BABAM1: variants seen among roughly 807,000 people sequenced by gnomAD.
The protein encoded by BABAM1 is BRISC and BRCA1 A complex member 1.
Under a neutral mutation model 34.4 loss-of-function variants are expected in BABAM1, and 14 were observed. The ratio of observed to expected loss-of-function variants is 0.41; its 90% CI spans 0.27 to 0.64. The LOEUF is 0.64. Among genes scored for constraint, BABAM1 ranks in the 30% least tolerant of loss-of-function variants. The pLI is 0.34. For synonymous variants in BABAM1, 169 were observed against 165.8 expected (o/e 1.02, Z -0.15); for missense variants, 393 against 434.0 (o/e 0.91, Z 0.84).
chr19:17,270,892 C>T (rs2073833055), intron 2 of BABAM1, among the ~76,000 whole-genome samples: 1 of 151,360 alleles, frequency 6.6e-6, no homozygotes. Flanking sequence ...AGGTTTCACC[C>T]TGTTAGCCAG....
chr19:17,269,210 C>A (rs370774211), intron 2 of BABAM1, 119 bp downstream of exon 2: 14 of 1,248,872 alleles, frequency 1.1e-5, no homozygotes, highest in Non-Finnish European at 3.2e-6. Context: ...CACAAGTCAC[C>A]GTGGACTTGG....
In BABAM1 at chr19:17,271,702, G is replaced by A. The variant is rs745338736; in HGVS notation, c.344+47G>A. 8 of 1,588,056 alleles carry A rather than the reference G, an allele frequency of 5.0e-6. No individual in the cohort carries two copies. In the Admixed American group the frequency reaches 1.2e-4, roughly 23 times the overall value. On this transcript the variant is annotated intron_variant, in intron 3 of 8. Coordinates refer to ENST00000598188, the MANE Select transcript of BABAM1 (RefSeq NM_014173.4). ...TTGAACATGCAGCCATGGCAGGGAG[G>A]GTCCAGCCCAAAAGATACGGGGCTC...
At chr19:17,274,845 A>T (rs896002896) in intron 5 of BABAM1, among the ~76,000 whole-genome samples, 4 of 125,064 alleles carry the variant, frequency 3.2e-5, no homozygotes, top group African/African-American at 1.3e-4. Context: ...AGTTTTTTCC[A>T]GGAGGACAAG....
In BABAM1 at chr19:17,268,943, G is replaced by T; in HGVS notation, c.137G>T (p.Gly46Val). 6.4e-7 allele frequency: 1 copy of T among 1,574,706 alleles called. No individual in the cohort carries two copies. ...GCAGTAGGGGCACAGGCCAGCGTGG[G>T]CAGCCGCAGCGAGGGTGAGGGTGAG... ...DRAVGAQASV[G>V]SRSEGEGEAA... Residue 46 changes from glycine to valine, a missense_variant, in exon 2 of 9, where the codon GGC becomes GTC. By Grantham distance (109) the Gly-to-Val change is moderately radical. Coordinates refer to ENST00000598188, the MANE Select transcript of BABAM1 (RefSeq NM_014173.4).
intron 8 of BABAM1, among the ~76,000 whole-genome samples, chr19:17,278,289 A>AT (rs2073934662): frequency 6.6e-6 from 1 of 151,724 alleles, no homozygotes; most frequent in Non-Finnish European, 1.5e-5. Flanking sequence ...TCTGTATCTG[A>AT]CTGTGTGCCT....
intron 8 of BABAM1, 57 bp from the exon 9 acceptor site, chr19:17,278,788 C>G: frequency 6.6e-7 from 1 of 1,508,884 alleles, no homozygotes; most frequent in Non-Finnish European, 9.1e-7. Context: ...ATATGAAGGG[C>G]CTGTTGGGGT....
At chr19:17,271,722 G>A (rs2073843380) in intron 3 of BABAM1, 67 bp downstream of exon 3, 1 of 1,534,312 alleles carries the variant, frequency 6.5e-7, no homozygotes, top group African/African-American at 1.4e-5. Context: ...AAAAGATACG[G>A]GGCTCTCACT....
At chr19:17,274,571 TA>T (rs11291512) in intron 5 of BABAM1, 70,779 of 166,284 alleles carry the variant, frequency 0.43, 13,295 homozygotes, top group Non-Finnish European at 0.45. Flanking sequence ...CCGTCTTTTT[TA>T]AAAAAAAAAA....
Position 17,269,033 on chromosome 19 carries a change from C to T in BABAM1, c.227C>T (p.Pro76Leu), listed in dbSNP as rs770504934. 17 of 1,597,370 alleles carry T rather than the reference C, an allele frequency of 1.1e-5. No individual in the cohort carries two copies. The highest frequency in any genetic ancestry group is 2.0e-4 in the Middle Eastern group (1 of 5,014). Residue 76 changes from proline to leucine, a missense_variant, in exon 2 of 9, where the codon CCC (proline) becomes CTC (leucine). Transcript: ENST00000598188. ...SGAGPKSWQV[P>L]PPAPEVQIRT... ...GCCGGCCCTAAGTCCTGGCAGGTGC[C>T]CCCGCCAGCCCCTGAGGTCCAAATT... is the stretch of plus-strand genomic sequence containing the variant.
At chr19:17,273,617 G>T (rs1336715715) in intron 3 of BABAM1, among the ~76,000 whole-genome samples, 1 of 140,662 alleles carries the variant, frequency 7.1e-6, no homozygotes, top group Non-Finnish European at 1.5e-5. Flanking sequence ...AGGCTGGACT[G>T]CAGTGGCGCG....
chr19:17,267,551 C>T (rs1358512018), intron 1 of BABAM1, 24 bp downstream of exon 1: 1 of 152,206 alleles, frequency 6.6e-6, no homozygotes, highest in African/African-American at 2.4e-5. Context: ...GCGTGTGGGG[C>T]CCGTTCCTAG....
chr19:17,278,387 C>A (rs2073936478), intron 8 of BABAM1, among the ~76,000 whole-genome samples: 1 of 150,838 alleles, frequency 6.6e-6, no homozygotes, highest in Non-Finnish European at 1.5e-5. Flanking sequence ...CGGCTCACTG[C>A]CAGCTCCGCC....
chr19:17,276,820 C>T lies in BABAM1; in HGVS notation c.700-3C>T. The T allele has an allele frequency of 6.2e-7, 1 of 1,601,708 alleles. No homozygotes were observed. Among genetic ancestry groups the T allele is most frequent in the Non-Finnish European group, 8.5e-7 (1 of 1,173,998 alleles). ...AGGCTGGTGTTCTTTACTTCCCCTG[C>T]AGAAAATGTTCCAGTGCCCATATTT... On this transcript the variant is annotated splice_polypyrimidine_tract_variant and splice_region_variant and intron_variant, in intron 7 of 8. Transcript: ENST00000598188.
Position 17,278,378 on chromosome 19 carries a change from G to A in BABAM1, c.787-467G>A, listed in dbSNP as rs533170864. ...GGCTGGAGAGCAGTGGTGTGATCTC[G>A]GCTCACTGCCAGCTCCGCCTCCCGG... is the stretch of plus-strand genomic sequence containing the variant. On this transcript the variant is annotated intron_variant, in intron 8 of 8. Coordinates refer to ENST00000598188, the MANE Select transcript of BABAM1 (RefSeq NM_014173.4). Among the ~76,000 whole-genome samples the A allele has an allele frequency of 4.0e-5, 6 of 149,652 alleles. No homozygotes were observed. In the South Asian group the frequency reaches 1.1e-3, roughly 27 times the overall value.
In BABAM1 at chr19:17,275,795, C is replaced by A; in HGVS notation, c.545-6C>A. 6.2e-7 allele frequency: 1 copy of A among 1,613,876 alleles called. No homozygotes were observed. The highest frequency in any genetic ancestry group is 8.5e-7 in the Non-Finnish European group (1 of 1,179,876). Reference sequence around the variant, plus strand: ...CTACTAGCCTTCTCCTTAGCACCCCCACCAGATCTGGAAGGACTTTTCAGC... The same window carrying A: ...CTACTAGCCTTCTCCTTAGCACCCCAACCAGATCTGGAAGGACTTTTCAGC... On this transcript the variant is annotated splice_polypyrimidine_tract_variant and splice_region_variant and intron_variant, in intron 5 of 8. Coordinates refer to ENST00000598188, the MANE Select transcript of BABAM1 (RefSeq NM_014173.4).
intron 3 of BABAM1, among the ~76,000 whole-genome samples, chr19:17,272,563 C>T (rs1003694123): frequency 1.3e-5 from 2 of 151,792 alleles, no homozygotes; most frequent in African/African-American, 4.8e-5. Flanking sequence ...TGCCACCACG[C>T]CTGGCTAATT....
intron 5 of BABAM1, 65 bp from the exon 6 acceptor site, chr19:17,275,736 C>T (rs749330570): frequency 1.6e-5 from 26 of 1,606,380 alleles, no homozygotes; most frequent in African/African-American, 1.3e-4. Flanking sequence ...GTATCGGGAT[C>T]GGGGAAGCCA....
chr19:17,273,117 C>T (rs190595450), intron 3 of BABAM1, among the ~76,000 whole-genome samples: 33 of 152,318 alleles, frequency 2.2e-4, no homozygotes, highest in Admixed American at 2.0e-3. Flanking sequence ...GAGTTGGAGA[C>T]GCCAAGAAGC....
intron 5 of BABAM1, among the ~76,000 whole-genome samples, chr19:17,275,354 G>C (rs1029851240): frequency 2.0e-5 from 3 of 151,604 alleles, no homozygotes; most frequent in African/African-American, 7.3e-5. Flanking sequence ...GCAGTGGCAC[G>C]ATCTTGGCTC....
Sources: gnomAD v4.1 joint callset for allele counts (sites outside exome capture counted in the v4.1 genomes callset) on GRCh38, gnomAD v4.1.1 for gene constraint, MANE v1.5 for transcripts, NCBI Gene and HGNC (gene_info 2026-07-23, HGNC 2026-07-21) for gene names.